Variants in WDFY4 observed in about 807,000 individuals in gnomAD.
The protein encoded by WDFY4 is WDFY family member 4.
In WDFY4, 169 loss-of-function variants were observed where a neutral mutation model predicts 351.9. The observed-to-expected ratio is 0.48, with a 90% CI of 0.42 to 0.55. WDFY4 has a LOEUF of 0.55. Ranked by LOEUF, WDFY4 falls within the 20% of genes least tolerant of loss-of-function variation. WDFY4 has a pLI of 0.00. For missense variants in WDFY4, 3,803 were observed against 3,935.6 expected (o/e 0.97, Z 0.90); for synonymous variants, 1,622 against 1,574.6 (o/e 1.03, Z -0.71).
At chr10:48,788,248 C>T (rs550624298) in intron 20 of WDFY4, among the ~76,000 whole-genome samples, 8 of 152,104 alleles carry the variant, frequency 5.3e-5, no homozygotes, top group African/African-American at 1.7e-4. Context: ...AGACTGGTCT[C>T]GAAATCCTGA....
At chr10:48,819,374 A>G (rs1045244848) in intron 32 of WDFY4, among the ~76,000 whole-genome samples, 1 of 152,202 alleles carries the variant, frequency 6.6e-6, no homozygotes, top group Non-Finnish European at 1.5e-5. Flanking sequence ...CATCTTTCCA[A>G]TCAAGGCCGC....
chr10:48,774,928 T>C (rs12217755), intron 14 of WDFY4, among the ~76,000 whole-genome samples: 7,997 of 148,520 alleles, frequency 0.054, 329 homozygotes, highest in Middle Eastern at 0.16. Flanking sequence ...GGAGCTGCAT[T>C]CCGAGGCCTG....
At chr10:48,736,251 C>T (rs771171056) in intron 11 of WDFY4, 181 bp downstream of exon 11, 2 of 687,920 alleles carry the variant, frequency 2.9e-6, no homozygotes, top group Non-Finnish European at 2.5e-6. Flanking sequence ...TAGCCTGGTA[C>T]ATTTGAAATT....
At chr10:48,728,921 C>G (rs1841619685) in intron 7 of WDFY4, among the ~76,000 whole-genome samples, 1 of 152,204 alleles carries the variant, frequency 6.6e-6, no homozygotes, top group Non-Finnish European at 1.5e-5. Context: ...AGTCACGCTG[C>G]AAGAACTTTT....
At chr10:48,901,178 C>T (rs3849150) in intron 46 of WDFY4, among the ~76,000 whole-genome samples, 20,320 of 152,264 alleles carry the variant, frequency 0.13, 1,514 homozygotes, top group Middle Eastern at 0.21. Context: ...TCTAGGCGCA[C>T]TTCCTTGGAC....
chr10:48,825,528 T>A (rs2067963634), intron 35 of WDFY4, among the ~76,000 whole-genome samples: 2 of 152,220 alleles, frequency 1.3e-5, no homozygotes, highest in Non-Finnish European at 2.9e-5. Context: ...CTTTAAGGAA[T>A]CACCACATCG....
chr10:48,721,158 C>T, intron 3 of WDFY4, 103 bp from the exon 4 acceptor site: 2 of 1,144,292 alleles, frequency 1.7e-6, no homozygotes, highest in East Asian at 2.6e-5. Context: ...CCAAAGTCCT[C>T]TACAGATGCT....
At chr10:48,814,630 A>T (rs926866770) in intron 31 of WDFY4, among the ~76,000 whole-genome samples, 4 of 152,226 alleles carry the variant, frequency 2.6e-5, no homozygotes, top group African/African-American at 9.6e-5. Flanking sequence ...CAGGTCAGGG[A>T]GGGTTTCCAG....
intron 46 of WDFY4, 67 bp from the exon 47 acceptor site, chr10:48,901,734 A>G (rs2133415002): frequency 6.7e-7 from 1 of 1,500,448 alleles, no homozygotes; most frequent in Non-Finnish European, 9.1e-7. Context: ...GACTCCGGAA[A>G]TGCCTCTGCA....
intron 45 of WDFY4, among the ~76,000 whole-genome samples, chr10:48,899,721 G>A (rs1242930111): frequency 6.6e-6 from 1 of 152,150 alleles, no homozygotes; most frequent in African/African-American, 2.4e-5. Context: ...AGGCATTAAG[G>A]AAATACCCCT....
At chr10:48,813,053 G>C (rs552634006) in intron 30 of WDFY4, among the ~76,000 whole-genome samples, 1 of 152,122 alleles carries the variant, frequency 6.6e-6, no homozygotes, top group Non-Finnish European at 1.5e-5. Flanking sequence ...CAATACAAAT[G>C]TGTGCCTGCC....
Position 48,946,146 on chromosome 10 carries a change from A to G in WDFY4, c.7856A>G (p.Glu2619Gly). ...TTTATCCAGAGGTTTAAAGAAGTTG[A>G]GAAAACTGAAGGTGAGTAGATCCAG... ...LKFIQRFKEV[E>G]KTEGDMTVQC... The change falls in exon 50 of 62, where the codon GAG becomes GGG. Residue 2619 changes from glutamate (E) to glycine (G), a missense_variant. By Grantham distance (98) the Glu-to-Gly change is moderately conservative. Coordinates refer to ENST00000325239, the MANE Select transcript of WDFY4 (RefSeq NM_001394531.1). 1.3e-6 allele frequency: 2 copies of G among 1,548,900 alleles called. No individual in the cohort carries two copies. Among genetic ancestry groups the G allele is most frequent in the Non-Finnish European group, 1.7e-6 (2 of 1,145,840 alleles).
At chr10:48,934,188 C>T (rs980333785) in intron 47 of WDFY4, among the ~76,000 whole-genome samples, 1 of 152,206 alleles carries the variant, frequency 6.6e-6, no homozygotes, top group African/African-American at 2.4e-5. Flanking sequence ...TTGTTCCATA[C>T]TTGGTTCACA....
intron 12 of WDFY4, chr10:48,745,559 C>T (rs12242299): frequency 0.29 from 128,407 of 447,236 alleles, 19,515 homozygotes; most frequent in Middle Eastern, 0.4. Flanking sequence ...GTCTTGAGGG[C>T]CTCTGTGTAT....
chr10:48,906,777 C>T (rs1837637257), intron 47 of WDFY4, among the ~76,000 whole-genome samples: 1 of 152,208 alleles, frequency 6.6e-6, no homozygotes, highest in South Asian at 2.1e-4. Context: ...AGGGTACAAC[C>T]ATCCTTTAAC....
intron 39 of WDFY4, among the ~76,000 whole-genome samples, chr10:48,834,312 G>A (rs1328079512): frequency 6.6e-6 from 1 of 152,136 alleles, no homozygotes; most frequent in Non-Finnish European, 1.5e-5. Context: ...GTCATTAAAT[G>A]TCAGAGTGAA....
intron 47 of WDFY4, chr10:48,910,804 G>A (rs1163622997): frequency 2.0e-6 from 1 of 499,806 alleles, no homozygotes; most frequent in African/African-American, 2.1e-5. Context: ...AGCAAGTAAG[G>A]GTGTTGAGGA....
chr10:48,897,085 CT>C (rs1203415559), intron 44 of WDFY4, among the ~76,000 whole-genome samples: 2 of 152,132 alleles, frequency 1.3e-5, no homozygotes. Context: ...GCCCTCCCTG[CT>C]GGCCCCCACT....
At chr10:48,719,504 A>G (rs780483150) in intron 2 of WDFY4, among the ~76,000 whole-genome samples, 15 of 152,138 alleles carry the variant, frequency 9.9e-5, no homozygotes, top group Admixed American at 3.3e-4. Flanking sequence ...CTAAAGTGCT[A>G]GAAAATAAAA....
Sources: gnomAD v4.1 joint callset for allele counts (sites outside exome capture counted in the v4.1 genomes callset) on GRCh38, gnomAD v4.1.1 for gene constraint, MANE v1.5 for transcripts, NCBI Gene and HGNC (gene_info 2026-07-23, HGNC 2026-07-21) for gene names.